Variants in TJP1 observed in about 807,000 individuals in gnomAD.
TJP1 encodes the protein tight junction protein 1.
TJP1 carries 43 observed loss-of-function variants against 194.2 expected under a neutral mutation model. The ratio of observed to expected loss-of-function variants is 0.22; its 90% CI spans 0.17 to 0.29. The LOEUF (loss-of-function observed/expected upper bound fraction) is 0.29, where lower values mean the gene tolerates loss of function less well. Among genes scored for constraint, TJP1 ranks in the 10% least tolerant of loss-of-function variants. The pLI is 1.00. For synonymous variants in TJP1, 801 were observed against 779.0 expected (o/e 1.03, Z -0.47); for missense variants, 1,971 against 2,185.7 (o/e 0.90, Z 1.96).
upstream of TJP1, chr15:29,822,535 G>T: frequency 3.1e-6 from 3 of 977,746 alleles, no homozygotes; most frequent in Non-Finnish European, 3.6e-6. Flanking sequence ...ACGAGGCGAG[G>T]CGAGGCGAGG....
chr15:29,898,170 G>A (rs2152187564), intron 2 of TJP1, among the ~76,000 whole-genome samples: 1 of 152,288 alleles, frequency 6.6e-6, no homozygotes, highest in East Asian at 1.9e-4. Flanking sequence ...GGAGGTGATT[G>A]AATGATGGGG....
chr15:29,860,961 A>G (rs1015727640), intron 2 of TJP1, among the ~76,000 whole-genome samples: 4 of 152,246 alleles, frequency 2.6e-5, no homozygotes, highest in African/African-American at 7.2e-5. Context: ...TAGTGTAATC[A>G]TAACTTTTAT....
In TJP1 at chr15:29,708,566, G is replaced by A; in HGVS notation, c.4843C>T (p.Pro1615Ser). 6.2e-7 allele frequency: 1 copy of A among 1,605,156 alleles called. No individual in the cohort carries two copies. Among genetic ancestry groups the A allele is most frequent in the Non-Finnish European group, 8.5e-7 (1 of 1,172,492 alleles). ...CAAAGGCATAAGTCTTACCTCACAG[G>A]AATAGCTTTAGGCACTGTGCTGATA... The part of the protein sequence containing the change: ...NNISTVPKAI[P>S]VSPSAVEEDE... Residue 1615 changes from proline to serine, a missense_variant, in exon 25 of 28, where the codon CCT becomes TCT. Pro to Ser is a moderately conservative substitution (Grantham distance 74). This residue lies in a region of TJP1 where 1,108 missense variants were observed against 1,128.5 expected (regional missense o/e 0.98). Transcript: ENST00000614355.
intron 2 of TJP1, among the ~76,000 whole-genome samples, chr15:29,775,907 C>T (rs1294608682): frequency 6.6e-6 from 1 of 152,036 alleles, no homozygotes; most frequent in South Asian, 2.1e-4. Flanking sequence ...AGGGAATTAT[C>T]CCACAAAAAG....
intron 2 of TJP1, among the ~76,000 whole-genome samples, chr15:29,868,049 TTC>T (rs1243426924): frequency 3.8e-5 from 4 of 105,678 alleles, no homozygotes; most frequent in Non-Finnish European, 6.1e-5. Flanking sequence ...TAGATTAAGA[TTC>T]TGTCTCAAAA....
chr15:29,809,659 A>G (rs1410033101), intron 1 of TJP1, among the ~76,000 whole-genome samples: 8 of 152,180 alleles, frequency 5.3e-5, no homozygotes, highest in Admixed American at 3.3e-4. Flanking sequence ...AGGCTGGCCA[A>G]CACGGTGAAA....
intron 2 of TJP1, among the ~76,000 whole-genome samples, chr15:29,941,733 T>C (rs2055085953): frequency 6.6e-6 from 1 of 152,244 alleles, no homozygotes; most frequent in South Asian, 2.1e-4. Flanking sequence ...TCCACCATTG[T>C]ACACGTATCA....
intron 8 of TJP1, chr15:29,760,359 C>A: frequency 3.0e-6 from 2 of 659,120 alleles, no homozygotes; most frequent in Admixed American, 2.3e-5. Flanking sequence ...ATACCAGAAC[C>A]TTTGGCATAA....
At chr15:29,876,208 G>A (rs1445016725) in intron 2 of TJP1, among the ~76,000 whole-genome samples, 2 of 152,096 alleles carry the variant, frequency 1.3e-5, no homozygotes, top group Middle Eastern at 3.2e-3. Flanking sequence ...ACACAAATTC[G>A]TAAACTTGCT....
intron 1 of TJP1, among the ~76,000 whole-genome samples, chr15:29,817,895 T>G (rs758802971): frequency 6.6e-6 from 1 of 152,006 alleles, no homozygotes; most frequent in Non-Finnish European, 1.5e-5. Context: ...AAATACCTAA[T>G]GCATGTGGGG....
intron 8 of TJP1, among the ~76,000 whole-genome samples, chr15:29,745,211 C>T (rs564683187): frequency 6.7e-6 from 1 of 149,262 alleles, no homozygotes; most frequent in East Asian, 2.0e-4. Flanking sequence ...AACTCAGTAA[C>T]AGGACAGTGA....
chr15:29,872,826 C>T (rs762440804), intron 2 of TJP1, among the ~76,000 whole-genome samples: 13 of 152,274 alleles, frequency 8.5e-5, no homozygotes, highest in Middle Eastern at 3.4e-3. Context: ...AGAGGTCGTG[C>T]GGCACGTCCA....
chr15:29,735,083 A>T (rs1220917274), intron 11 of TJP1, among the ~76,000 whole-genome samples: 1 of 152,156 alleles, frequency 6.6e-6, no homozygotes, highest in African/African-American at 2.4e-5. Context: ...GTGTTTGCCA[A>T]GTTAATATTT....
chr15:29,883,580 C>CT (rs374684849), intron 2 of TJP1, among the ~76,000 whole-genome samples: 10 of 148,876 alleles, frequency 6.7e-5, no homozygotes, highest in South Asian at 2.1e-4. Context: ...GGTACGTGTC[C>CT]TTTTTTTTTT....
intron 1 of TJP1, among the ~76,000 whole-genome samples, chr15:29,956,757 T>G (rs1298929127): frequency 6.6e-6 from 1 of 152,102 alleles, no homozygotes. Context: ...GTCCTGGTGG[T>G]GCATGTCTGT....
chr15:29,737,771 CTATTAA>C (rs2044133638), intron 10 of TJP1, among the ~76,000 whole-genome samples: 1 of 152,084 alleles, frequency 6.6e-6, no homozygotes, highest in South Asian at 2.1e-4. Context: ...CACATCATTT[CTATTAA>C]TAACTGAAAA....
intron 2 of TJP1, among the ~76,000 whole-genome samples, chr15:29,777,235 T>C (rs1324896935): frequency 2.6e-5 from 4 of 152,196 alleles, no homozygotes; most frequent in Non-Finnish European, 5.9e-5. Context: ...TCTACGAGTG[T>C]GTGACAATGA....
intron 10 of TJP1, among the ~76,000 whole-genome samples, chr15:29,740,674 T>A (rs2044354515): frequency 6.6e-6 from 1 of 151,954 alleles, no homozygotes; most frequent in Non-Finnish European, 1.5e-5. Context: ...AATTTGATAA[T>A]CATGATGGTT....
chr15:29,811,062 C>G (rs893885128), intron 1 of TJP1, among the ~76,000 whole-genome samples: 1 of 151,864 alleles, frequency 6.6e-6, no homozygotes, highest in Admixed American at 6.6e-5. Context: ...ATGAGGAACT[C>G]AAAGAGAAAG....
Sources: allele counts gnomAD v4.1 joint callset (sites outside exome capture counted in the v4.1 genomes callset), GRCh38; gene constraint gnomAD v4.1.1; regional missense constraint gnomAD v4.1.1; transcripts MANE v1.5; gene names NCBI Gene and HGNC (gene_info 2026-07-23, HGNC 2026-07-21).